Variants in TENM3 observed in about 807,000 individuals in gnomAD.
TENM3 encodes teneurin transmembrane protein 3.
A neutral mutation model predicts 255.1 loss-of-function variants in TENM3; 63 were observed. The ratio of observed to expected loss-of-function variants is 0.25; its 90% CI spans 0.20 to 0.30. TENM3 has a LOEUF of 0.30. Among genes scored for constraint, TENM3 ranks in the 10% least tolerant of loss-of-function variants. TENM3 has a pLI of 1.00. For missense variants in TENM3, 2,929 were observed against 3,461.1 expected (o/e 0.85, Z 3.86); for synonymous variants, 1,306 against 1,322.3 (o/e 0.99, Z 0.27).
At chr4:182,170,242 T>A (rs1052458404) in intron 1 of TENM3, among the ~76,000 whole-genome samples, 1 of 152,090 alleles carries the variant, frequency 6.6e-6, no homozygotes, top group African/African-American at 2.4e-5. Flanking sequence ...AGATAAGTGA[T>A]GTCACAAATA....
At chr4:181,556,918 G>A in the TENM3 span, among the ~76,000 whole-genome samples, 11 of 152,122 alleles carry the variant, frequency 7.2e-5, no homozygotes, top group Non-Finnish European at 1.6e-4. Flanking sequence ...CCCTATGAAA[G>A]CTCTCCCAAC....
chr4:182,519,060 T>C (rs1005658625), intron 3 of TENM3, among the ~76,000 whole-genome samples: 1 of 152,122 alleles, frequency 6.6e-6, no homozygotes, highest in African/African-American at 2.4e-5. Flanking sequence ...CTGTCCAGTG[T>C]GGTAACCAGT....
chr4:181,734,895 A>C, the TENM3 span, among the ~76,000 whole-genome samples: 2 of 152,154 alleles, frequency 1.3e-5, no homozygotes, highest in African/African-American at 2.4e-5. Flanking sequence ...TTCAAATGTC[A>C]TGACATTAAC....
chr4:182,801,394 G>C lies in TENM3; in HGVS notation c.*1043G>C, dbSNP rs550199972. The C allele has an allele frequency of 1.3e-5, 2 of 152,276 alleles. No homozygotes were observed. Among genetic ancestry groups the C allele is most frequent in the Non-Finnish European group, 1.5e-5 (1 of 68,026 alleles). 9.4% of individuals were successfully genotyped at this position (152,276 alleles called of 1,614,324 possible). ...GTGTCCTCAGCATTGTCAACTGAGA[G>C]GCACAGTAGACAACTAGGGCTGGTG... On this transcript the variant is annotated 3_prime_UTR_variant, in exon 28 of 28. Coordinates refer to ENST00000511685, the MANE Select transcript of TENM3 (RefSeq NM_001080477.4).
intron 1 of TENM3, among the ~76,000 whole-genome samples, chr4:182,300,229 T>A (rs1416190001): frequency 6.6e-6 from 1 of 151,924 alleles, no homozygotes; most frequent in Non-Finnish European, 1.5e-5. Context: ...AGATAATTAT[T>A]TATGAGAATC....
At chr4:182,574,861 A>G (rs909454276) in intron 3 of TENM3, among the ~76,000 whole-genome samples, 1 of 152,174 alleles carries the variant, frequency 6.6e-6, no homozygotes, top group African/African-American at 2.4e-5. Context: ...ACTCCCAGAC[A>G]TATAGCCATA....
the TENM3 span, among the ~76,000 whole-genome samples, chr4:181,525,648 TTTTTTG>T: frequency 6.6e-6 from 1 of 152,168 alleles, no homozygotes; most frequent in African/African-American, 2.4e-5. Flanking sequence ...CCCCCTGTGT[TTTTTTG>T]TTTTTGTATA....
the TENM3 span, among the ~76,000 whole-genome samples, chr4:181,996,172 A>T: frequency 7.3e-3 from 1,113 of 151,950 alleles, 14 homozygotes; most frequent in African/African-American, 0.025. Context: ...AAAAAAAAAA[A>T]AAAAATTACC....
At chr4:182,416,617 A>C (rs1770378473) in intron 3 of TENM3, among the ~76,000 whole-genome samples, 1 of 152,178 alleles carries the variant, frequency 6.6e-6, no homozygotes, top group African/African-American at 2.4e-5. Flanking sequence ...TCGTGATTTA[A>C]ATAAAGTCAT....
the TENM3 span, among the ~76,000 whole-genome samples, chr4:181,553,012 G>A: frequency 6.6e-6 from 1 of 152,116 alleles, no homozygotes; most frequent in Non-Finnish European, 1.5e-5. Context: ...GGCCCTTCCT[G>A]ATGAATAAAA....
chr4:181,907,734 G>A, the TENM3 span, among the ~76,000 whole-genome samples: 1 of 152,050 alleles, frequency 6.6e-6, no homozygotes, highest in Admixed American at 6.5e-5. Context: ...CTCCCATCTG[G>A]GGCAGCCAAC....
intron 1 of TENM3, among the ~76,000 whole-genome samples, chr4:182,156,419 A>G (rs1442367427): frequency 3.3e-5 from 5 of 152,024 alleles, no homozygotes; most frequent in Non-Finnish European, 5.9e-5. Flanking sequence ...GGCATGTTGC[A>G]TGATGCTGAG....
upstream of TENM3, among the ~76,000 whole-genome samples, chr4:182,140,360 G>C (rs1749308768): frequency 6.6e-6 from 1 of 151,994 alleles, no homozygotes; most frequent in African/African-American, 2.4e-5. Flanking sequence ...GTGGGTTATT[G>C]GCTTTCCTGA....
the TENM3 span, among the ~76,000 whole-genome samples, chr4:181,645,777 A>G: frequency 1.3e-5 from 2 of 152,228 alleles, no homozygotes; most frequent in African/African-American, 2.4e-5. Flanking sequence ...GGTGATACCC[A>G]TCTTTTTAAT....
In TENM3 at chr4:182,688,273, C is replaced by G. The variant is rs768550467; in HGVS notation, c.2143C>G (p.Arg715Gly). The G allele has an allele frequency of 4.3e-6, 7 of 1,613,814 alleles. No homozygotes were observed. The highest frequency in any genetic ancestry group is 5.1e-6 in the Non-Finnish European group (6 of 1,179,876). ...PACNQRACHP[R>G]CAEHGTCKDG... is the part of the protein sequence containing the mutation. ...CTGTAATCAGAGAGCCTGCCACCCC[C>G]GCTGTGCCGAGCACGGGACCTGCAA... Residue 715 changes from arginine to glycine, a missense_variant, in exon 12 of 28, where the codon CGC becomes GGC. Arg to Gly is a moderately radical substitution (Grantham distance 125). Around this residue, in one of 6 missense-constraint regions of TENM3, gnomAD observed 1,608 missense variants for 1,884.4 expected, o/e 0.85. Transcript: ENST00000511685.
chr4:182,655,558 A>G (rs573588566), intron 6 of TENM3, among the ~76,000 whole-genome samples: 62 of 152,306 alleles, frequency 4.1e-4, no homozygotes, highest in Non-Finnish European at 6.9e-4. Flanking sequence ...AGAAGCCTAT[A>G]TTCAAATCCT....
At chr4:182,406,235 T>G (rs6850987) in intron 3 of TENM3, among the ~76,000 whole-genome samples, 151,181 of 152,160 alleles carry the variant, frequency 0.99, 75,108 homozygotes, top group Middle Eastern at 1. Flanking sequence ...AACCTGGGAG[T>G]CAGAGGTTGC....
intron 4 of TENM3, among the ~76,000 whole-genome samples, chr4:182,602,762 C>T (rs1347706977): frequency 6.6e-6 from 1 of 152,096 alleles, no homozygotes; most frequent in Non-Finnish European, 1.5e-5. Flanking sequence ...TAAATTTACC[C>T]AGTGTAATTA....
chr4:182,427,234 G>A lies in TENM3; in HGVS notation c.511+80305G>A, dbSNP rs567583827. Among the ~76,000 whole-genome samples, 23 of 152,166 alleles carry A rather than the reference G, an allele frequency of 1.5e-4. No individual in the cohort carries two copies. In the East Asian group the frequency reaches 2.5e-3, roughly 17 times the overall value. ...TTTGTTTTGTCTTTACACTTTGGACGTTAGGATATATTAATGGCTGAGATC... is the reference window on the plus strand; with the variant it reads ...TTTGTTTTGTCTTTACACTTTGGACATTAGGATATATTAATGGCTGAGATC... On this transcript the variant is annotated intron_variant, in intron 3 of 27. Coordinates refer to ENST00000511685, the MANE Select transcript of TENM3 (RefSeq NM_001080477.4).
Sources: gnomAD v4.1 joint callset for allele counts (sites outside exome capture counted in the v4.1 genomes callset) on GRCh38, gnomAD v4.1.1 for gene constraint, gnomAD v4.1.1 regional missense constraint, MANE v1.5 for transcripts, NCBI Gene and HGNC (gene_info 2026-07-23, HGNC 2026-07-21) for gene names.